The following CSNK1G2 variants were observed in gnomAD, a reference collection of about 807,000 sequenced individuals.
CSNK1G2 encodes the protein casein kinase 1 gamma 2, also known as casein kinase I isoform gamma-2.
Under a neutral mutation model 48.0 loss-of-function variants are expected in CSNK1G2, and 11 were observed. The observed-to-expected ratio is 0.23, with a 90% CI of 0.14 to 0.38. The LOEUF (loss-of-function observed/expected upper bound fraction) is 0.38, where lower values mean the gene tolerates loss of function less well. Ranked by LOEUF, CSNK1G2 falls within the 10% of genes least tolerant of loss-of-function variation. CSNK1G2 has a pLI of 1.00. For synonymous variants in CSNK1G2, 337 were observed against 254.1 expected, an observed-to-expected ratio of 1.33 and a Z score of -3.10; for missense variants, 446 against 595.5, an observed-to-expected ratio of 0.75 and a Z score of 2.61.
At chr19:1,963,360 C>T (rs149573953) in intron 1 of CSNK1G2, among the ~76,000 whole-genome samples, 2,450 of 152,016 alleles carry the variant, frequency 0.016, 57 homozygotes, top group African/African-American at 0.056. Flanking sequence ...TACAGGTGCC[C>T]GCCACCATGC....
intron 2 of CSNK1G2, among the ~76,000 whole-genome samples, chr19:1,976,563 A>G (rs1314446278): frequency 6.6e-6 from 1 of 152,170 alleles, no homozygotes; most frequent in East Asian, 1.9e-4. Context: ...AGAGGCTCTC[A>G]GGGCCCAGGT....
At chr19:1,964,870 A>C (rs1423992085) in intron 1 of CSNK1G2, among the ~76,000 whole-genome samples, 1 of 151,086 alleles carries the variant, frequency 6.6e-6, no homozygotes, top group Non-Finnish European at 1.5e-5. Flanking sequence ...GGACTACAGG[A>C]GCCCACGACC....
At chr19:1,953,174 T>A (rs1568184634) in intron 1 of CSNK1G2, among the ~76,000 whole-genome samples, 2 of 152,104 alleles carry the variant, frequency 1.3e-5, no homozygotes, top group Non-Finnish European at 2.9e-5. Context: ...CCGTGGGAGC[T>A]TTCTTTCCTG....
chr19:1,957,666 T>C lies in CSNK1G2; in HGVS notation c.-265-11842T>C, dbSNP rs1179205498. ...CACCACACAGGCAGAGACTGGAGGG[T>C]GCGCAGGACCCCGGGTGACTGCAGA... On this transcript the variant is annotated intron_variant, in intron 1 of 11. Transcript: ENST00000255641. The surrounding 1 kb of genome is among the most constrained non-coding windows in gnomAD (Gnocchi z 5.4). 6.6e-6 allele frequency among the ~76,000 whole-genome samples: 1 copy of C among 151,858 alleles called. No homozygotes were observed. Among genetic ancestry groups the C allele is most frequent in the African/African-American group, 2.4e-5 (1 of 41,314 alleles).
chr19:1,969,357 G>T (rs1248814488), intron 1 of CSNK1G2, among the ~76,000 whole-genome samples, 151 bp from the exon 2 acceptor site: 1 of 151,902 alleles, frequency 6.6e-6, no homozygotes, highest in Non-Finnish European at 1.5e-5. Flanking sequence ...GCTGGGTTCC[G>T]GGCAGGGACG....
At chr19:1,961,343 T>C (rs34318825) in intron 1 of CSNK1G2, among the ~76,000 whole-genome samples, 85,370 of 152,162 alleles carry the variant, frequency 0.56, 27,176 homozygotes, top group African/African-American at 0.87. Context: ...CTTGTTCCCC[T>C]ACACAGAGGC....
rs1163885585 is a variant in CSNK1G2 at position 1,963,815 on chromosome 19, A to ATT, written c.-265-5676_-265-5675dup. On this transcript the variant is annotated intron_variant, in intron 1 of 11. Coordinates refer to ENST00000255641, the MANE Select transcript of CSNK1G2 (RefSeq NM_001319.7). ...GAACCACTGCGCCCAGCCTCTACAA[A>ATT]TTTTTTTTTTTTTTTTTTGGAGACA... Among the ~76,000 whole-genome samples the ATT allele has an allele frequency of 6.2e-3, 792 of 127,320 alleles. 16 individuals are homozygous for ATT. Among genetic ancestry groups the ATT allele is most frequent in the Admixed American group, 0.037 (449 of 12,248 alleles). The allele number at this position is 127,320 out of a possible 152,430, so 83.5% of individuals were successfully genotyped here. A position where few individuals can be genotyped will look rare whatever the true frequency, so the allele number is the denominator to read the frequency against.
chr19:1,979,856 ACCGCC>A (rs1568208063), intron 10 of CSNK1G2, 21 bp downstream of exon 10: 1 of 1,602,512 alleles, frequency 6.2e-7, no homozygotes. Flanking sequence ...GGCGGGACCG[ACCGCC>A]CCAGGGAGGG....
At chr19:1,944,174 G>T (rs1470806881) in intron 1 of CSNK1G2, among the ~76,000 whole-genome samples, 1 of 152,166 alleles carries the variant, frequency 6.6e-6, no homozygotes, top group Admixed American at 6.5e-5. Context: ...TCGAGCTCTG[G>T]TGTCAGGCGT....
intron 1 of CSNK1G2, among the ~76,000 whole-genome samples, chr19:1,942,946 C>T (rs993893134): frequency 1.4e-4 from 21 of 152,130 alleles, no homozygotes; most frequent in Admixed American, 6.5e-5. Context: ...GGTACGCGCA[C>T]GCCTGCCTTG....
intron 1 of CSNK1G2, chr19:1,953,479 A>G (rs1191404121): frequency 1.9e-6 from 1 of 534,318 alleles, no homozygotes; most frequent in African/African-American, 1.9e-5. Context: ...TCTGGAGTCC[A>G]TGGCAGCCTT....
intron 1 of CSNK1G2, among the ~76,000 whole-genome samples, chr19:1,966,489 A>C (rs2145562839): frequency 6.6e-6 from 1 of 152,318 alleles, no homozygotes; most frequent in Admixed American, 6.5e-5. Flanking sequence ...GAGTTGCTTC[A>C]GTTGCGCTCT....
chr19:1,944,404 A>G (rs1010639919), intron 1 of CSNK1G2, among the ~76,000 whole-genome samples: 2 of 151,686 alleles, frequency 1.3e-5, no homozygotes, highest in African/African-American at 4.9e-5. Flanking sequence ...AAGTGGGTGG[A>G]GCGCCCATTT....
Position 1,978,404 on chromosome 19 carries a change from C to G in CSNK1G2, c.229-38C>G. The G allele has an allele frequency of 6.2e-7, 1 of 1,611,812 alleles. No homozygotes were observed. Among genetic ancestry groups the G allele is most frequent in the Non-Finnish European group, 8.5e-7 (1 of 1,179,222 alleles). On this transcript the variant is annotated intron_variant, in intron 3 of 11. Transcript: ENST00000255641. This position sits in a 1 kb window ranked among gnomAD's most constrained non-coding sequence, Gnocchi z 7.3. The stretch of plus-strand genomic sequence containing the variant: ...GTGCCCCCCAGGGATTTCAGGGCAG[C>G]GACCCGGTCCCCTGGTGACTCGCTC...
intron 2 of CSNK1G2, chr19:1,975,848 C>T (rs1002845979): frequency 7.0e-6 from 6 of 856,902 alleles, no homozygotes; most frequent in Admixed American, 6.2e-5. Flanking sequence ...CCAGCCTGGA[C>T]AACATGGAGA....
chr19:1,953,004 G>T, intron 1 of CSNK1G2: 1 of 416,582 alleles, frequency 2.4e-6, no homozygotes, highest in Non-Finnish European at 4.7e-6. Context: ...GGCAGAGCGA[G>T]ACTCCGTCTG....
chr19:1,947,819 C>T (rs1299693010), intron 1 of CSNK1G2, among the ~76,000 whole-genome samples: 1 of 152,174 alleles, frequency 6.6e-6, no homozygotes, highest in Non-Finnish European at 1.5e-5. Context: ...TGGAGAGGGG[C>T]GCTGTGTGGG....
chr19:1,946,130 C>T (rs553563979), intron 1 of CSNK1G2, among the ~76,000 whole-genome samples: 2 of 152,204 alleles, frequency 1.3e-5, no homozygotes, highest in Admixed American at 1.3e-4. Flanking sequence ...CCATTCCATA[C>T]CTGCAGGGGG....
In CSNK1G2 at chr19:1,969,820, G is replaced by T. The variant is rs1174056137; in HGVS notation, c.48G>T (p.Arg16=). ...GGAAAGGGGAGACGGAGGAGGGCCG[G>T]AGAATGTCCAAGGCCGGCGGGGGCC... ...KGGKGETEEG[R]RMSKAGGGRS... is the part of the protein sequence containing the mutation. The change falls in exon 2 of 12, where the codon CGG becomes CGT. Residue 16 remains arginine (R), a synonymous_variant. Transcript: ENST00000255641. 7.6e-7 allele frequency: 1 copy of T among 1,310,826 alleles called. No homozygotes were observed. Among genetic ancestry groups the T allele is most frequent in the African/African-American group, 1.5e-5 (1 of 66,476 alleles). 81.2% of individuals were successfully genotyped at this position (1,310,826 alleles called of 1,614,324 possible).
Sources: gnomAD v4.1 joint callset for allele counts (sites outside exome capture counted in the v4.1 genomes callset) on GRCh38, gnomAD v4.1.1 for gene constraint, Gnocchi (gnomAD v3.1) non-coding constraint, MANE v1.5 for transcripts, NCBI Gene and HGNC (gene_info 2026-07-23, HGNC 2026-07-21) for gene names.